The following CYP3A5 variants were observed in gnomAD, a reference collection of about 807,000 sequenced individuals.
CYP3A5 encodes the protein cytochrome P450 family 3 subfamily A member 5, also known as cytochrome P450 3A5.
In CYP3A5, 51 loss-of-function variants were observed where a neutral mutation model predicts 55.9. The ratio of observed to expected loss-of-function variants is 0.91; its 90% CI spans 0.73 to 1.15. CYP3A5 has a LOEUF of 1.15. CYP3A5 is among the 50% of genes most tolerant of loss of function. The pLI, the probability that CYP3A5 is intolerant of heterozygous loss-of-function variation, is 0.00. For missense variants in CYP3A5, 533 were observed against 596.6 expected (o/e 0.89, Z 1.11); for synonymous variants, 196 against 213.9 (o/e 0.92, Z 0.73).
At chr7:99,672,042 T>G (rs535179243) in intron 4 of CYP3A5, among the ~76,000 whole-genome samples, 3 of 151,842 alleles carry the variant, frequency 2.0e-5, no homozygotes, top group African/African-American at 4.8e-5. Context: ...TTTGCCGGTT[T>G]TTGTTGTTGT....
At chr7:99,666,746 G>A in intron 5 of CYP3A5, 57 bp from the exon 6 acceptor site, 1 of 1,612,970 alleles carries the variant, frequency 6.2e-7, no homozygotes, top group Non-Finnish European at 8.5e-7. Context: ...AGTCCCAGAA[G>A]GATATGGCTT....
chr7:99,663,611 T>C, intron 8 of CYP3A5: 1 of 1,000,310 alleles, frequency 1.0e-6, no homozygotes, highest in Non-Finnish European at 1.2e-6. Flanking sequence ...AATGATTCTT[T>C]ACCAATCTGT....
At chr7:99,658,185 T>C (rs1485703849) in intron 10 of CYP3A5, among the ~76,000 whole-genome samples, 1 of 152,210 alleles carries the variant, frequency 6.6e-6, no homozygotes, top group Admixed American at 6.5e-5. Context: ...CTCGATGGTC[T>C]TTACAATTTG....
At chr7:99,676,486 T>C (rs1385712243) in intron 1 of CYP3A5, 13 of 1,401,882 alleles carry the variant, frequency 9.3e-6, no homozygotes, top group Non-Finnish European at 1.1e-5. Context: ...CAAATGCTCC[T>C]GAGAGGTTCA....
intron 7 of CYP3A5, among the ~76,000 whole-genome samples, chr7:99,664,401 A>G (rs1451828591): frequency 2.0e-5 from 3 of 152,232 alleles, no homozygotes; most frequent in Non-Finnish European, 4.4e-5. Context: ...TTTTGGATTA[A>G]TGTAGACCAT....
chr7:99,671,660 G>A lies in CYP3A5; in HGVS notation c.318+920C>T, dbSNP rs1207585252. 8.5e-6 allele frequency: 5 copies of A among 589,586 alleles called. No homozygotes were observed. The African/African-American group carries it at 9.3e-5, about 11-fold the overall frequency. 36.5% of individuals were successfully genotyped at this position (589,586 alleles called of 1,614,324 possible). A position where few individuals can be genotyped will look rare whatever the true frequency, so the allele number is the denominator to read the frequency against. On this transcript the variant is annotated intron_variant, in intron 4 of 12. Transcript: ENST00000222982. The stretch of plus-strand genomic sequence containing the variant: ...ACTCTTAGAAAAAGCAATGTAGGAA[G>A]GAGGGCTAAGCAAAGGATTTTCAGA...
At chr7:99,661,799 T>C (rs879923475) in intron 9 of CYP3A5, among the ~76,000 whole-genome samples, 22 of 152,238 alleles carry the variant, frequency 1.4e-4, no homozygotes, top group Non-Finnish European at 2.8e-4. Context: ...TTATACTGAG[T>C]TGAAATTGAA....
chr7:99,652,632 A>T lies in CYP3A5; in HGVS notation c.1174T>A (p.Ser392Thr), dbSNP rs751832206. The change falls in exon 11 of 13, where the codon TCA becomes ACA. Residue 392 changes from serine (S) to threonine (T), a missense_variant. Ser to Thr is a moderately conservative substitution (Grantham distance 58). Coordinates refer to ENST00000222982, the MANE Select transcript of CYP3A5 (RefSeq NM_000777.5). Reference protein sequence around the residue: ...EINGVFIPKGSMVVIPTYALH... With the variant: ...EINGVFIPKGTMVVIPTYALH... ...GCATAAGTTGGAATCACCACCATTG[A>T]CCCTTTGGGAATGAATACCCCATTG... 4.3e-6 allele frequency: 7 copies of T among 1,613,814 alleles called. No individual in the cohort carries two copies. Among genetic ancestry groups the T allele is most frequent in the Non-Finnish European group, 5.1e-6 (6 of 1,179,960 alleles).
chr7:99,679,002 T>C (rs1202515484), intron 1 of CYP3A5, among the ~76,000 whole-genome samples: 1 of 152,194 alleles, frequency 6.6e-6, no homozygotes, highest in East Asian at 1.9e-4. Flanking sequence ...AAAATCCAAA[T>C]TGGCTTTCAT....
chr7:99,665,393 A>G, intron 6 of CYP3A5, 79 bp from the exon 7 acceptor site: 6 of 1,551,710 alleles, frequency 3.9e-6, no homozygotes, highest in Non-Finnish European at 5.3e-6. Context: ...AGAAACCCAC[A>G]TATCCAGTCA....
chr7:99,678,857 G>A (rs1812544995), intron 1 of CYP3A5, among the ~76,000 whole-genome samples: 1 of 152,166 alleles, frequency 6.6e-6, no homozygotes, highest in Non-Finnish European at 1.5e-5. Context: ...TGAGGTAGAA[G>A]TTAATGGGAC....
At position 99,648,275 on chromosome 7, in the gene CYP3A5, G is replaced by T; in HGVS notation, c.*30C>A. On this transcript the variant is annotated 3_prime_UTR_variant, in exon 13 of 13. Transcript: ENST00000222982. ...TGGTGTTCTGGGGCACAGCTTTCTT[G>T]AAGACCAAAGTAGAAATCCTTAGAA... 6.2e-7 allele frequency: 1 copy of T among 1,600,118 alleles called. No individual in the cohort carries two copies. The highest frequency in any genetic ancestry group is 1.1e-5 in the South Asian group (1 of 88,224).
At chr7:99,654,129 G>C (rs551137209) in intron 10 of CYP3A5, among the ~76,000 whole-genome samples, 1 of 151,900 alleles carries the variant, frequency 6.6e-6, no homozygotes, top group Non-Finnish European at 1.5e-5. Flanking sequence ...TGTACACAAC[G>C]TGCAGGTTTG....
intron 11 of CYP3A5, chr7:99,652,153 T>C: frequency 6.7e-6 from 1 of 149,520 alleles, no homozygotes; most frequent in African/African-American, 2.4e-5. Flanking sequence ...TTATGGCATA[T>C]GCAATATATA....
intron 11 of CYP3A5, among the ~76,000 whole-genome samples, chr7:99,650,499 T>C (rs1809067276): frequency 1.3e-5 from 2 of 152,170 alleles, no homozygotes; most frequent in Admixed American, 1.3e-4. Flanking sequence ...CTCTAAACAC[T>C]AAAATTATAT....
chr7:99,662,370 T>C lies in CYP3A5; in HGVS notation c.865+446A>G, dbSNP rs530817120. 6.6e-6 allele frequency among the ~76,000 whole-genome samples: 1 copy of C among 152,224 alleles called. No individual in the cohort carries two copies. The highest frequency in any genetic ancestry group is 1.5e-5 in the Non-Finnish European group (1 of 68,038). Reference sequence around the variant, plus strand: ...AGAGGTGTCCCCCATTAGTTACTTATGCATTTCAAAGGGAAAAATAAAACT... The same window carrying C: ...AGAGGTGTCCCCCATTAGTTACTTACGCATTTCAAAGGGAAAAATAAAACT... On this transcript the variant is annotated intron_variant, in intron 9 of 12. Coordinates refer to ENST00000222982, the MANE Select transcript of CYP3A5 (RefSeq NM_000777.5). This position sits in a 1 kb window ranked among gnomAD's most constrained non-coding sequence, Gnocchi z 4.3.
At position 99,660,490 on chromosome 7, in the gene CYP3A5, T is replaced by C; in HGVS notation, c.1026+9A>G. On this transcript the variant is annotated intron_variant, in intron 10 of 12. Coordinates refer to ENST00000222982, the MANE Select transcript of CYP3A5 (RefSeq NM_000777.5). ...CTCTTCCCTTCATCTCCAGGGGTCATCCCCTCACCTTATTGGGCAAAACTG... is the reference window on the plus strand; with the variant it reads ...CTCTTCCCTTCATCTCCAGGGGTCACCCCCTCACCTTATTGGGCAAAACTG... 1 of 1,605,050 alleles carries C rather than the reference T, an allele frequency of 6.2e-7. No homozygotes were observed. Among genetic ancestry groups the C allele is most frequent in the Admixed American group, 1.7e-5 (1 of 58,552 alleles).
chr7:99,664,017 C>T lies in CYP3A5; in HGVS notation c.749G>A (p.Ser250Asn), dbSNP rs777926364. 1.3e-6 allele frequency: 2 copies of T among 1,598,950 alleles called. No homozygotes were observed. The highest frequency in any genetic ancestry group is 1.7e-6 in the Non-Finnish European group (2 of 1,176,612). ...LFPKDTINFL[S>N]KSVNRMKKSR... is the part of the protein sequence containing the mutation. ...TTTCTTCATTCTGTTTACAGATTTA[C>T]TTAAAAAATTTATGGTATCTTTTGG... The change falls in exon 8 of 13, where the codon AGT becomes AAT. Residue 250 changes from serine (S) to asparagine (N), a missense_variant. Ser to Asn is a conservative substitution (Grantham distance 46). Coordinates refer to ENST00000222982, the MANE Select transcript of CYP3A5 (RefSeq NM_000777.5).
chr7:99,675,016 A>C (rs1051396108), intron 2 of CYP3A5, among the ~76,000 whole-genome samples: 1 of 152,220 alleles, frequency 6.6e-6, no homozygotes, highest in Non-Finnish European at 1.5e-5. Context: ...CATTTATCTC[A>C]TGTGCTCTCT....
Sources: gnomAD v4.1 joint callset for allele counts (sites outside exome capture counted in the v4.1 genomes callset) on GRCh38, gnomAD v4.1.1 for gene constraint, Gnocchi (gnomAD v3.1) non-coding constraint, MANE v1.5 for transcripts, NCBI Gene and HGNC (gene_info 2026-07-23, HGNC 2026-07-21) for gene names.